Variants in CACNA1C observed in about 807,000 individuals in gnomAD.
The protein encoded by CACNA1C is voltage-dependent L-type calcium channel subunit alpha-1C.
In CACNA1C, 30 loss-of-function variants were observed where a neutral mutation model predicts 229.0. The observed-to-expected ratio is 0.13, with a 90% confidence interval of 0.10 to 0.18. The LOEUF (loss-of-function observed/expected upper bound fraction) is 0.18. CACNA1C is among the 10% of genes least tolerant of loss of function. The probability of loss-of-function intolerance (pLI) is 1.00; values close to 1 mark genes in which losing one functional copy is unlikely to be tolerated. For synonymous variants in CACNA1C, 1,114 were observed against 1,132.5 expected (o/e 0.98, Z 0.33); for missense variants, 1,658 against 2,845.0 (o/e 0.58, Z 9.49).
chr12:2,032,277 C>T (rs1303089559), intron 1 of CACNA1C, among the ~76,000 whole-genome samples: 1 of 152,014 alleles, frequency 6.6e-6, no homozygotes, highest in Non-Finnish European at 1.5e-5. Context: ...CTCACATCAG[C>T]CTTAGTGCCA....
chr12:2,196,589 A>C (rs1222868482), intron 3 of CACNA1C, among the ~76,000 whole-genome samples: 1 of 152,260 alleles, frequency 6.6e-6, no homozygotes, highest in Non-Finnish European at 1.5e-5. Context: ...GGTTGCCATA[A>C]ATCATAATGG....
intron 3 of CACNA1C, among the ~76,000 whole-genome samples, chr12:2,317,564 A>G (rs1439848125): frequency 3.3e-5 from 5 of 152,216 alleles, no homozygotes; most frequent in African/African-American, 7.2e-5. Flanking sequence ...CCTTCTGGAG[A>G]TCAGTTGCAG....
chr12:2,405,908 T>C (rs1368126286), intron 3 of CACNA1C, among the ~76,000 whole-genome samples: 1 of 152,244 alleles, frequency 6.6e-6, no homozygotes, highest in Non-Finnish European at 1.5e-5. Context: ...CCTTTCTGCT[T>C]AGAGAACTTC....
Position 2,483,037 on chromosome 12 carries a change from G to C in CACNA1C, c.758-3067G>C, listed in dbSNP as rs191927902. 9.8e-5 allele frequency among the ~76,000 whole-genome samples: 15 copies of C among 152,322 alleles called. No homozygotes were observed. The East Asian group carries it at 2.9e-3, about 29-fold the overall frequency. ...CTGAAGGCACCCCGTGCTCACGCAC[G>C]TGACTTGGCTCCATGTGCATGGAGT... is the stretch of plus-strand genomic sequence containing the variant. On this transcript the variant is annotated intron_variant, in intron 5 of 46. Transcript: ENST00000399655.
At chr12:2,065,419 C>T (rs2058962945) in intron 1 of CACNA1C, among the ~76,000 whole-genome samples, 1 of 151,994 alleles carries the variant, frequency 6.6e-6, no homozygotes, top group South Asian at 2.1e-4. Context: ...GTTTTTTTTC[C>T]TCCAGAATAG....
At chr12:2,332,792 G>A (rs1452027198) in intron 3 of CACNA1C, among the ~76,000 whole-genome samples, 1 of 152,206 alleles carries the variant, frequency 6.6e-6, no homozygotes, top group African/African-American at 2.4e-5. Context: ...TGTACATGCA[G>A]TAGAATCTCA....
chr12:2,118,985 C>T (rs1004226963), intron 2 of CACNA1C, among the ~76,000 whole-genome samples: 1 of 152,194 alleles, frequency 6.6e-6, no homozygotes, highest in African/African-American at 2.4e-5. Context: ...CTAAGATAAT[C>T]ACTCGGGTTC....
chr12:2,345,595 G>A (rs929276172), intron 3 of CACNA1C, among the ~76,000 whole-genome samples: 39 of 152,294 alleles, frequency 2.6e-4, no homozygotes, highest in South Asian at 6.2e-4. Flanking sequence ...CTCTAAAATT[G>A]TAGCTAGAAA....
intron 1 of CACNA1C, chr12:2,004,866 T>G: frequency 6.1e-6 from 1 of 163,492 alleles, no homozygotes; most frequent in Non-Finnish European, 1.3e-5. Context: ...ACTGAATTGA[T>G]TTCTGAATGC....
At chr12:1,997,905 A>C (rs1471069179) in intron 1 of CACNA1C, 1 of 1,552,296 alleles carries the variant, frequency 6.4e-7, no homozygotes, top group Admixed American at 1.8e-5. Flanking sequence ...TTTGAAGATT[A>C]GTTTCTTTAT....
chr12:2,513,040 A>G (rs559527607), intron 9 of CACNA1C, 56 bp downstream of exon 9: 67 of 1,457,910 alleles, frequency 4.6e-5, no homozygotes, highest in Non-Finnish European at 6.0e-5. Flanking sequence ...AGGAGACAGC[A>G]TCGGGGTCAG....
chr12:2,097,497 C>CA (rs1212026133), intron 1 of CACNA1C, among the ~76,000 whole-genome samples: 2 of 152,134 alleles, frequency 1.3e-5, no homozygotes, highest in African/African-American at 2.4e-5. Context: ...GCGGTTGCAC[C>CA]ATTTTACATT....
At chr12:2,124,763 C>G (rs2239136) in intron 3 of CACNA1C, among the ~76,000 whole-genome samples, 1 of 151,836 alleles carries the variant, frequency 6.6e-6, no homozygotes, top group Admixed American at 6.5e-5. Context: ...GATGGTGATA[C>G]GAGGAGCCAG....
chr12:2,123,788 TTCTA>T (rs2088344651), intron 3 of CACNA1C, among the ~76,000 whole-genome samples: 1 of 152,222 alleles, frequency 6.6e-6, no homozygotes, highest in Non-Finnish European at 1.5e-5. Context: ...TTAGCTTTCT[TTCTA>T]TTCTCAAAGT....
chr12:2,684,636 A>G (rs2097348867), intron 43 of CACNA1C, among the ~76,000 whole-genome samples: 1 of 152,156 alleles, frequency 6.6e-6, no homozygotes, highest in Non-Finnish European at 1.5e-5. Flanking sequence ...CTACCCCCAG[A>G]GTGGTACAAC....
rs1205500454 is a variant in CACNA1C, at chr12:2,607,218, C to G, written c.3356+88C>G. On this transcript the variant is annotated intron_variant, in intron 26 of 46. Coordinates refer to ENST00000399655, the MANE Select transcript of CACNA1C (RefSeq NM_000719.7). ...CCCATCCCCAAGTTTTGTTAATGTC[C>G]CGCACTCCCTCTGGAGGTCATATTT... 2.9e-6 allele frequency: 4 copies of G among 1,377,550 alleles called. No individual in the cohort carries two copies. The African/African-American group carries it at 4.3e-5, about 15-fold the overall frequency. The allele number at this position is 1,377,550 out of a possible 1,614,324, so 85.3% of individuals were successfully genotyped here.
rs1323137384 is a variant in CACNA1C, at chr12:2,575,005, G to A, written c.1896-6585G>A. ...CTGTGGTTGGAGGGGCCAACTAGGT[G>A]ACACTGAGTAGCCCCGTGGCCCAGA... On this transcript the variant is annotated intron_variant, in intron 13 of 46. Transcript: ENST00000399655. The surrounding 1 kb of genome is among the most constrained non-coding windows in gnomAD (Gnocchi z 4.0). Among the ~76,000 whole-genome samples, 13 of 152,228 alleles carry A rather than the reference G, an allele frequency of 8.5e-5. No homozygotes were observed. Among genetic ancestry groups the A allele is most frequent in the Non-Finnish European group, 1.5e-5 (1 of 68,052 alleles).
chr12:2,016,632 G>A (rs931406135), intron 1 of CACNA1C, among the ~76,000 whole-genome samples: 7 of 152,138 alleles, frequency 4.6e-5, no homozygotes, highest in African/African-American at 1.4e-4. Flanking sequence ...GTTTCACCAT[G>A]TTGGCCAGGC....
intron 1 of CACNA1C, among the ~76,000 whole-genome samples, chr12:2,014,343 C>T (rs1198396872): frequency 6.6e-6 from 1 of 151,940 alleles, no homozygotes; most frequent in East Asian, 1.9e-4. Flanking sequence ...ATAAGCATAG[C>T]AACTCATGGC....
Sources: allele counts gnomAD v4.1 joint callset (sites outside exome capture counted in the v4.1 genomes callset), GRCh38; gene constraint gnomAD v4.1.1; non-coding constraint Gnocchi (gnomAD v3.1); transcripts MANE v1.5; gene names NCBI Gene and HGNC (gene_info 2026-07-23, HGNC 2026-07-21).